The following DLG2 variants were observed in gnomAD, a reference collection of about 807,000 sequenced individuals.
The protein encoded by DLG2 is discs large MAGUK scaffold protein 2.
A neutral mutation model predicts 132.5 loss-of-function variants in DLG2; 45 were observed. The observed-to-expected ratio is 0.34, with a 90% CI of 0.27 to 0.44. The LOEUF is 0.44. DLG2 is among the 20% of genes least tolerant of loss of function. DLG2 has a pLI of 1.00. For synonymous variants in DLG2, 424 were observed against 419.6 expected (o/e 1.01, Z -0.13); for missense variants, 1,045 against 1,196.9 (o/e 0.87, Z 1.87).
intron 7 of DLG2, among the ~76,000 whole-genome samples, chr11:84,505,121 C>T (rs2099235164): frequency 6.6e-6 from 1 of 152,162 alleles, no homozygotes; most frequent in South Asian, 2.1e-4. Flanking sequence ...TCAGTTATGA[C>T]CCTGGTGATA....
intron 2 of DLG2, among the ~76,000 whole-genome samples, chr11:85,608,385 G>A (rs1053725806): frequency 5.3e-5 from 8 of 152,122 alleles, no homozygotes; most frequent in Non-Finnish European, 1.0e-4. Context: ...GGCCACCTGA[G>A]GGAAGTATAA....
intron 19 of DLG2, among the ~76,000 whole-genome samples, chr11:83,585,176 A>G (rs575385347): frequency 6.6e-6 from 1 of 152,362 alleles, no homozygotes; most frequent in African/African-American, 2.4e-5. Context: ...CACTGTGATA[A>G]TAACAGTGGT....
chr11:85,434,940 G>A (rs561933584), intron 3 of DLG2, among the ~76,000 whole-genome samples: 7 of 152,090 alleles, frequency 4.6e-5, no homozygotes, highest in Non-Finnish European at 8.8e-5. Context: ...CTGGCAAAAC[G>A]AATCCAGCAG....
intron 11 of DLG2, among the ~76,000 whole-genome samples, chr11:84,021,747 GA>G (rs948149775): frequency 1.3e-5 from 2 of 148,658 alleles, no homozygotes; most frequent in Admixed American, 6.8e-5. Context: ...TTGTTATTGA[GA>G]AAAACAACTA....
Position 84,270,263 on chromosome 11 carries a change from G to A in DLG2, c.520-18972C>T, listed in dbSNP as rs569046400. 4.6e-5 allele frequency among the ~76,000 whole-genome samples: 7 copies of A among 152,174 alleles called. No individual in the cohort carries two copies. The South Asian group carries it at 1.2e-3, about 27-fold the overall frequency. On this transcript the variant is annotated intron_variant, in intron 7 of 27. Transcript: ENST00000376104. The stretch of plus-strand genomic sequence containing the variant: ...AATAAATATTTAGGAGCTTACATTC[G>A]CCAGACACTTAGGCTAAAAGATAAG...
chr11:83,758,741 A>T (rs2093763368), intron 18 of DLG2, among the ~76,000 whole-genome samples: 1 of 152,190 alleles, frequency 6.6e-6, no homozygotes, highest in Admixed American at 6.5e-5. Flanking sequence ...CTTAAAAATA[A>T]TTAAATACCA....
chr11:84,924,311 T>C (rs2092895612), intron 6 of DLG2, among the ~76,000 whole-genome samples: 1 of 152,220 alleles, frequency 6.6e-6, no homozygotes, highest in Non-Finnish European at 1.5e-5. Context: ...TGAACAGTTT[T>C]CACTGCAGCA....
chr11:85,301,549 T>C (rs139585109), intron 3 of DLG2, among the ~76,000 whole-genome samples: 1 of 152,238 alleles, frequency 6.6e-6, no homozygotes, highest in Admixed American at 6.5e-5. Flanking sequence ...TATGCAGGGC[T>C]AGAACTGTGA....
chr11:84,905,794 CTCTT>C (rs2091437014), intron 6 of DLG2, among the ~76,000 whole-genome samples: 1 of 152,160 alleles, frequency 6.6e-6, no homozygotes, highest in Non-Finnish European at 1.5e-5. Flanking sequence ...TTTACTCCAT[CTCTT>C]TCTTTTTCTT....
intron 3 of DLG2, among the ~76,000 whole-genome samples, chr11:85,381,442 T>C (rs1167449198): frequency 1.3e-5 from 2 of 152,190 alleles, no homozygotes; most frequent in African/African-American, 2.4e-5. Flanking sequence ...TCAGGAACGA[T>C]ACAAGAATGG....
chr11:84,763,403 TTCCATTTACCTA>T (rs2067928509), intron 6 of DLG2: 2 of 152,200 alleles, frequency 1.3e-5, no homozygotes, highest in Non-Finnish European at 2.9e-5. Flanking sequence ...TTTAATCAGC[TTCCATTTACCTA>T]TCCATTTGCT....
At chr11:84,953,001 A>G (rs1015023313) in intron 6 of DLG2, among the ~76,000 whole-genome samples, 3 of 152,188 alleles carry the variant, frequency 2.0e-5, no homozygotes, top group African/African-American at 7.2e-5. Context: ...ATTAGGTTTC[A>G]TGAAATCTTT....
intron 7 of DLG2, among the ~76,000 whole-genome samples, chr11:84,254,377 G>C (rs2097432309): frequency 6.6e-6 from 1 of 152,088 alleles, no homozygotes; most frequent in Admixed American, 6.5e-5. Flanking sequence ...TTTCCAAGAA[G>C]ACTGTATGTC....
intron 8 of DLG2, among the ~76,000 whole-genome samples, chr11:84,209,244 G>C (rs1320770868): frequency 6.6e-6 from 1 of 152,122 alleles, no homozygotes; most frequent in African/African-American, 2.4e-5. Flanking sequence ...AAAAACATTA[G>C]ATAAATCTAG....
intron 19 of DLG2, among the ~76,000 whole-genome samples, chr11:83,621,382 T>C (rs1243743448): frequency 3.3e-5 from 5 of 152,214 alleles, no homozygotes; most frequent in Admixed American, 6.5e-5. Context: ...TCACTGTTTT[T>C]CAAAGTCATC....
At position 84,364,364 on chromosome 11, in the gene DLG2, T is replaced by G. The variant is rs1374832129; in HGVS notation, c.520-113073A>C. Reference sequence around the variant, plus strand: ...GTGATTTTTGTACATTGATTTTGTATCCTGAGACTTTGCTGAAGTTGCTTA... The same window carrying G: ...GTGATTTTTGTACATTGATTTTGTAGCCTGAGACTTTGCTGAAGTTGCTTA... On this transcript the variant is annotated intron_variant, in intron 7 of 27. Transcript: ENST00000376104. Among the ~76,000 whole-genome samples the G allele has an allele frequency of 2.6e-4, 39 of 152,270 alleles. No homozygotes were observed. The South Asian group carries it at 7.7e-3, about 30-fold the overall frequency.
chr11:84,886,045 T>C (rs1279264192), intron 6 of DLG2, among the ~76,000 whole-genome samples: 3 of 152,000 alleles, frequency 2.0e-5, no homozygotes, highest in African/African-American at 7.3e-5. Context: ...GGGCTTACAA[T>C]CTCATGAGGG....
chr11:85,250,582 T>C (rs2076351078), intron 4 of DLG2, among the ~76,000 whole-genome samples: 1 of 152,208 alleles, frequency 6.6e-6, no homozygotes, highest in Non-Finnish European at 1.5e-5. Context: ...CACCTAATAT[T>C]TTCCTCATAA....
In DLG2 at chr11:84,644,923, G is replaced by C. The variant is rs571869521; in HGVS notation, c.358-110192C>G. Among the ~76,000 whole-genome samples the C allele has an allele frequency of 2.6e-5, 4 of 152,120 alleles. No individual in the cohort carries two copies. The South Asian group carries it at 8.3e-4, about 32-fold the overall frequency. On this transcript the variant is annotated intron_variant, in intron 6 of 27. Transcript: ENST00000376104. ...AAGACACACAAATTCTCTTGAATTT[G>C]GAACCTGCAGTGCTAAAGAAACACA...
Sources: allele counts gnomAD v4.1 joint callset (sites outside exome capture counted in the v4.1 genomes callset), GRCh38; gene constraint gnomAD v4.1.1; transcripts MANE v1.5; gene names NCBI Gene and HGNC (gene_info 2026-07-23, HGNC 2026-07-21).